The following P3H2 variants were observed in gnomAD, a reference collection of about 807,000 sequenced individuals.
P3H2 encodes leprecan-like 1.
Under a neutral mutation model 87.0 loss-of-function variants are expected in P3H2, and 80 were observed. The observed-to-expected ratio is 0.92, with a 90% confidence interval of 0.77 to 1.11. The LOEUF (loss-of-function observed/expected upper bound fraction) is 1.11, where lower values mean the gene tolerates loss of function less well. Ranked by LOEUF, P3H2 falls within the 50% of genes least tolerant of loss-of-function variation. The pLI, the probability that P3H2 is intolerant of heterozygous loss-of-function variation, is 0.00. For synonymous variants in P3H2, 367 were observed against 359.3 expected (o/e 1.02, Z -0.24); for missense variants, 1,001 against 923.9 (o/e 1.08, Z -1.08).
chr3:189,997,247 CCT>C (rs1172020342), intron 1 of P3H2, among the ~76,000 whole-genome samples: 2 of 152,268 alleles, frequency 1.3e-5, no homozygotes, highest in East Asian at 3.9e-4. Context: ...GTCTCGATCT[CCT>C]GACCTTGTGA....
intron 1 of P3H2, among the ~76,000 whole-genome samples, chr3:190,005,068 G>C (rs1015518795): frequency 6.6e-6 from 1 of 152,176 alleles, no homozygotes. Flanking sequence ...TGTCAATTAT[G>C]ATAGCAAAAT....
At chr3:190,038,192 C>T (rs190716819) in intron 1 of P3H2, among the ~76,000 whole-genome samples, 82 of 147,588 alleles carry the variant, frequency 5.6e-4, no homozygotes, top group African/African-American at 1.9e-3. Flanking sequence ...GCCGAGATTG[C>T]GCCACTGCAC....
At chr3:190,063,095 T>C (rs1340804966) in intron 1 of P3H2, among the ~76,000 whole-genome samples, 1 of 152,164 alleles carries the variant, frequency 6.6e-6, no homozygotes, top group East Asian at 1.9e-4. Context: ...CCCCAACAAA[T>C]GGCTCCTGAG....
At chr3:190,024,160 C>A (rs1229096277) in intron 1 of P3H2, among the ~76,000 whole-genome samples, 1 of 152,040 alleles carries the variant, frequency 6.6e-6, no homozygotes. Context: ...TTTAAAATAT[C>A]TATCAGAGTA....
intron 8 of P3H2, among the ~76,000 whole-genome samples, chr3:189,981,214 A>G (rs1487299593): frequency 6.6e-6 from 1 of 152,234 alleles, no homozygotes; most frequent in African/African-American, 2.4e-5. Context: ...GATCATGGGA[A>G]CACTGGTTTG....
At chr3:189,987,493 A>T in intron 5 of P3H2, 34 bp downstream of exon 5, 2 of 1,601,680 alleles carry the variant, frequency 1.2e-6, no homozygotes, top group South Asian at 2.2e-5. Flanking sequence ...AAAAAAAAAA[A>T]AAAAAGAATT....
intron 13 of P3H2, among the ~76,000 whole-genome samples, chr3:189,965,398 A>G (rs889785011): frequency 3.9e-5 from 6 of 152,054 alleles, no homozygotes; most frequent in African/African-American, 1.2e-4. Context: ...GTGAGTCTGC[A>G]TGTGTGTGTA....
intron 1 of P3H2, among the ~76,000 whole-genome samples, chr3:190,095,568 A>G (rs1231063128): frequency 4.0e-5 from 6 of 150,566 alleles, no homozygotes; most frequent in African/African-American, 1.5e-4. Context: ...TTTAGAGGGA[A>G]ATTAAAAAAC....
chr3:189,982,627 G>A (rs767531943), intron 8 of P3H2, among the ~76,000 whole-genome samples: 3 of 152,098 alleles, frequency 2.0e-5, no homozygotes, highest in African/African-American at 4.8e-5. Flanking sequence ...AAGCATCTAA[G>A]GTTAACTAAT....
chr3:190,009,645 C>G (rs1477556808), intron 1 of P3H2, among the ~76,000 whole-genome samples: 1 of 152,138 alleles, frequency 6.6e-6, no homozygotes, highest in Non-Finnish European at 1.5e-5. Context: ...CAATTTTAAG[C>G]CAGAGAGAAA....
intron 1 of P3H2, among the ~76,000 whole-genome samples, chr3:190,090,770 C>A (rs1476043633): frequency 6.6e-6 from 1 of 152,094 alleles, no homozygotes; most frequent in African/African-American, 2.4e-5. Context: ...AATTCTTCAC[C>A]AGGCACTTGA....
At chr3:190,121,044 A>T (rs1347268333), upstream of P3H2, 5 of 387,390 alleles carry the variant, frequency 1.3e-5, no homozygotes, top group Non-Finnish European at 2.3e-5. Flanking sequence ...CGCCAGCCAG[A>T]GAGCTAGCGC....
intron 1 of P3H2, 76 bp from the exon 2 acceptor site, chr3:189,995,518 C>T: frequency 7.1e-7 from 1 of 1,404,806 alleles, no homozygotes; most frequent in Non-Finnish European, 9.7e-7. Context: ...AAGATCAATC[C>T]AAAATCTCAC....
At chr3:189,981,295 C>T (rs1231730728) in intron 8 of P3H2, among the ~76,000 whole-genome samples, 1 of 152,098 alleles carries the variant, frequency 6.6e-6, no homozygotes, top group Non-Finnish European at 1.5e-5. Context: ...TCTGAAATGC[C>T]AGTTGTGGGC....
intron 1 of P3H2, among the ~76,000 whole-genome samples, chr3:190,012,207 G>GGTGTGTGTGTGT (rs3062120): frequency 0.033 from 4,823 of 145,652 alleles, 109 homozygotes; most frequent in East Asian, 0.06. Flanking sequence ...TGTAGGTAAA[G>GGTGTGTGTGTGT]GTGTGTGTGT....
chr3:190,009,625 A>G (rs949749600), intron 1 of P3H2, among the ~76,000 whole-genome samples: 2 of 152,212 alleles, frequency 1.3e-5, no homozygotes, highest in Non-Finnish European at 2.9e-5. Flanking sequence ...TGAAGACTCC[A>G]CAGCAAACCC....
At chr3:189,966,129 A>AAGAAAG (rs1275709565) in intron 13 of P3H2, among the ~76,000 whole-genome samples, 1 of 56,216 alleles carries the variant, frequency 1.8e-5, no homozygotes, top group Non-Finnish European at 4.2e-5. Flanking sequence ...AAGAAAAAGA[A>AAGAAAG]AGAAAGAAAG....
intron 13 of P3H2, among the ~76,000 whole-genome samples, chr3:189,970,092 C>A (rs116200925): frequency 0.023 from 3,376 of 145,256 alleles, 141 homozygotes; most frequent in African/African-American, 0.083. Flanking sequence ...TCTTTGTTTA[C>A]ATATTTGTGT....
At chr3:190,051,601 C>T (rs762175340) in intron 1 of P3H2, among the ~76,000 whole-genome samples, 3 of 152,200 alleles carry the variant, frequency 2.0e-5, no homozygotes, top group Non-Finnish European at 4.4e-5. Flanking sequence ...ATTCAAAGGT[C>T]TTGTAACTGA....
Sources: gnomAD v4.1 joint callset for allele counts (sites outside exome capture counted in the v4.1 genomes callset) on GRCh38, gnomAD v4.1.1 for gene constraint, MANE v1.5 for transcripts, NCBI Gene and HGNC (gene_info 2026-07-23, HGNC 2026-07-21) for gene names.